The following DPYSL5 variants were observed in gnomAD, a reference collection of about 807,000 sequenced individuals.
The protein encoded by DPYSL5 is dihydropyrimidinase like 5.
Under a neutral mutation model 58.4 loss-of-function variants are expected in DPYSL5, and 9 were observed. That is an observed-to-expected ratio of 0.15 (90% CI 0.09 to 0.27). The LOEUF is 0.27. DPYSL5 is among the 10% of genes least tolerant of loss of function. The pLI, the probability that DPYSL5 is intolerant of heterozygous loss-of-function variation, is 1.00. For synonymous variants in DPYSL5, 293 were observed against 301.9 expected (o/e 0.97, Z 0.31); for missense variants, 499 against 770.6 (o/e 0.65, Z 4.17).
intron 1 of DPYSL5, among the ~76,000 whole-genome samples, chr2:26,880,500 A>T (rs1016079549): frequency 1.3e-5 from 2 of 152,034 alleles, no homozygotes; most frequent in African/African-American, 4.8e-5. Context: ...CAGAGCCTCG[A>T]CCTCTTGCTC....
rs747513449 is a variant in DPYSL5, at chr2:26,941,975, G to A, written c.1115G>A (p.Arg372His). 1.1e-5 allele frequency: 18 copies of A among 1,614,188 alleles called. No individual in the cohort carries two copies. The highest frequency in any genetic ancestry group is 1.4e-5 in the Non-Finnish European group (17 of 1,180,052). ...GTTGGAGGAAAGATGGATGAGAACC[G>A]TTTTGTGGCCGTTACCAGTTCCAAC... ...GVVGGKMDENRFVAVTSSNAA... is the reference protein window; with the variant it reads ...GVVGGKMDENHFVAVTSSNAA... The change falls in exon 10 of 13, where the codon CGT (arginine) becomes CAT (histidine). Residue 372 changes from arginine (R) to histidine (H), a missense_variant. Around this residue, in one of 3 missense-constraint regions of DPYSL5, gnomAD observed 404 missense variants for 647.6 expected, o/e 0.62. Transcript: ENST00000288699.
intron 2 of DPYSL5, among the ~76,000 whole-genome samples, chr2:26,915,591 A>T (rs1420400078): frequency 6.6e-6 from 1 of 152,134 alleles, no homozygotes; most frequent in Non-Finnish European, 1.5e-5. Flanking sequence ...CTCCTGGTTC[A>T]GAGTGGGCCC....
chr2:26,941,893 G>A (rs1414449869), intron 9 of DPYSL5, 57 bp from the exon 10 acceptor site: 1 of 1,610,320 alleles, frequency 6.2e-7, no homozygotes, highest in Admixed American at 1.7e-5. Flanking sequence ...AGGTGACCAA[G>A]GGTTTGAGAC....
At chr2:26,893,133 C>T (rs761991559) in intron 1 of DPYSL5, among the ~76,000 whole-genome samples, 1 of 152,312 alleles carries the variant, frequency 6.6e-6, no homozygotes, top group Non-Finnish European at 1.5e-5. Context: ...CACTCCCAGC[C>T]ACCTGCTTTG....
intron 1 of DPYSL5, among the ~76,000 whole-genome samples, chr2:26,879,907 TTGA>T (rs1457180047): frequency 1.3e-5 from 2 of 152,176 alleles, no homozygotes; most frequent in Non-Finnish European, 2.9e-5. Flanking sequence ...GTTGTTGTTG[TTGA>T]GACAGGGTCT....
Position 26,925,261 on chromosome 2 carries a change from G to A in DPYSL5, c.420+216G>A, listed in dbSNP as rs1040267254. On this transcript the variant is annotated intron_variant, in intron 3 of 12. Coordinates refer to ENST00000288699, the MANE Select transcript of DPYSL5 (RefSeq NM_020134.4). The surrounding 1 kb of genome is among the most constrained non-coding windows in gnomAD (Gnocchi z 4.5). The stretch of plus-strand genomic sequence containing the variant: ...TGAGCCATTTTCCGGCAGGCACAGA[G>A]AGGCCAAGGCCAGAGCCCAGGCCTT... 1.3e-5 allele frequency among the ~76,000 whole-genome samples: 2 copies of A among 152,196 alleles called. No homozygotes were observed. Among genetic ancestry groups the A allele is most frequent in the African/African-American group, 4.8e-5 (2 of 41,460 alleles).
At chr2:26,940,721 A>T (rs1665296419) in intron 9 of DPYSL5, among the ~76,000 whole-genome samples, 1 of 151,696 alleles carries the variant, frequency 6.6e-6, no homozygotes, top group Non-Finnish European at 1.5e-5. Context: ...CTATACCCTG[A>T]GTGTCTCCCT....
At position 26,861,107 on chromosome 2, in the gene DPYSL5, A is replaced by C. The variant is rs575164633; in HGVS notation, c.-5+12853A>C. On this transcript the variant is annotated intron_variant, in intron 1 of 12. Coordinates refer to ENST00000288699, the MANE Select transcript of DPYSL5 (RefSeq NM_020134.4). ...CTTATGTTCCCAAACGGACCCCCAG[A>C]TGCAGGCCTCCGAAATAAGACACAA... Among the ~76,000 whole-genome samples, 3 of 152,298 alleles carry C rather than the reference A, an allele frequency of 2.0e-5. No homozygotes were observed. In the East Asian group the frequency reaches 5.8e-4, roughly 29 times the overall value.
At chr2:26,946,834 C>A in intron 12 of DPYSL5, 76 bp from the exon 13 acceptor site, 2 of 1,139,038 alleles carry the variant, frequency 1.8e-6, no homozygotes, top group South Asian at 1.4e-5. Context: ...ACACAGTGAG[C>A]CTCCAGGAGA....
chr2:26,848,412 T>C (rs72850573), intron 1 of DPYSL5, 158 bp downstream of exon 1: 16,381 of 152,422 alleles, frequency 0.11, 2,552 homozygotes, highest in African/African-American at 0.34. Flanking sequence ...GGTTTGGGGT[T>C]GGGAGGTGGC....
chr2:26,918,442 T>C (rs1479803092), intron 2 of DPYSL5, among the ~76,000 whole-genome samples: 1 of 151,598 alleles, frequency 6.6e-6, no homozygotes, highest in East Asian at 1.9e-4. Flanking sequence ...GAGGTTACCA[T>C]GAGCAATAGA....
At chr2:26,892,680 AAAACAAAAAAAC>A (rs1047243013) in intron 1 of DPYSL5, among the ~76,000 whole-genome samples, 4 of 151,692 alleles carry the variant, frequency 2.6e-5, no homozygotes, top group African/African-American at 9.7e-5. Context: ...AAAAAAAACA[AAAACAAAAAAAC>A]AAACAAAAAC....
At chr2:26,876,915 G>A (rs1017104866) in intron 1 of DPYSL5, among the ~76,000 whole-genome samples, 6 of 150,300 alleles carry the variant, frequency 4.0e-5, no homozygotes, top group Non-Finnish European at 7.4e-5. Context: ...AGTGTAGTCC[G>A]GTGTAACTAC....
chr2:26,931,152 A>AATAT lies in DPYSL5; in HGVS notation c.670-473_670-470dup, dbSNP rs1553320830. ...AGACCCTATCTAAAAAAAAAAAAAA[A>AATAT]ATATATATATATATATATGTGTGTG... On this transcript the variant is annotated intron_variant, in intron 5 of 12. Coordinates refer to ENST00000288699, the MANE Select transcript of DPYSL5 (RefSeq NM_020134.4). Among the ~76,000 whole-genome samples, 16 of 48,814 alleles carry AATAT rather than the reference A, an allele frequency of 3.3e-4. 1 individual carries two copies. The highest frequency in any genetic ancestry group is 9.8e-4 in the African/African-American group (15 of 15,256). The allele number at this position is 48,814 out of a possible 152,430, so 32.0% of individuals were successfully genotyped here.
At chr2:26,882,425 G>GTC (rs1415230442) in intron 1 of DPYSL5, among the ~76,000 whole-genome samples, 8 of 111,094 alleles carry the variant, frequency 7.2e-5, no homozygotes, top group Non-Finnish European at 1.6e-4. Context: ...GTGTGTGTGT[G>GTC]TGTCTGTGTG....
At chr2:26,853,290 TTTGG>T in intron 1 of DPYSL5, among the ~76,000 whole-genome samples, 1 of 152,230 alleles carries the variant, frequency 6.6e-6, no homozygotes, top group Non-Finnish European at 1.5e-5. Context: ...AGTCATCATG[TTTGG>T]TTGATGGCAA....
intron 1 of DPYSL5, among the ~76,000 whole-genome samples, chr2:26,894,434 C>T (rs901843698): frequency 1.3e-5 from 2 of 152,182 alleles, no homozygotes; most frequent in African/African-American, 4.8e-5. Context: ...TGACTTTAAC[C>T]TCTCTGTATC....
chr2:26,949,076 C>G lies in DPYSL5; in HGVS notation c.*2081C>G, dbSNP rs890247804. On this transcript the variant is annotated 3_prime_UTR_variant, in exon 13 of 13. Coordinates refer to ENST00000288699, the MANE Select transcript of DPYSL5 (RefSeq NM_020134.4). ...CCCTCCCAACCTTGGCTATCTACCC[C>G]ACCTGTGGAGAGGAGGTCTGGGGTG... 6.6e-6 allele frequency: 1 copy of G among 152,216 alleles called. No homozygotes were observed. Among genetic ancestry groups the G allele is most frequent in the African/African-American group, 2.4e-5 (1 of 41,446 alleles). 9.4% of individuals were successfully genotyped at this position (152,216 alleles called of 1,614,324 possible).
intron 8 of DPYSL5, among the ~76,000 whole-genome samples, chr2:26,935,831 A>G (rs146069666): frequency 7.5e-4 from 114 of 152,204 alleles, no homozygotes; most frequent in African/African-American, 2.6e-3. Flanking sequence ...GAGGACTAGG[A>G]CAAAAGGCGA....
Sources: allele counts gnomAD v4.1 joint callset (sites outside exome capture counted in the v4.1 genomes callset), GRCh38; gene constraint gnomAD v4.1.1; regional missense constraint gnomAD v4.1.1; non-coding constraint Gnocchi (gnomAD v3.1); transcripts MANE v1.5; gene names NCBI Gene and HGNC (gene_info 2026-07-23, HGNC 2026-07-21).